Variants in DCDC1 observed in about 807,000 individuals in gnomAD.
DCDC1 encodes doublecortin domain containing 1.
Under a neutral mutation model 178.3 loss-of-function variants are expected in DCDC1, and 200 were observed. The observed-to-expected ratio is 1.12, with a 90% CI of 1.00 to 1.26. The LOEUF is 1.26. Ranked by LOEUF, DCDC1 falls within the 50% of genes most tolerant of loss-of-function variation. The pLI is 0.00. For synonymous variants in DCDC1, 690 were observed against 604.8 expected, an observed-to-expected ratio of 1.14 and a Z score of -2.07; for missense variants, 1,983 against 1,749.2, an observed-to-expected ratio of 1.13 and a Z score of -2.38.
At chr11:31,142,187 T>C (rs1453741789) in intron 9 of DCDC1, among the ~76,000 whole-genome samples, 2 of 152,200 alleles carry the variant, frequency 1.3e-5, no homozygotes, top group African/African-American at 4.8e-5. Context: ...ACCTAGTTAA[T>C]TTGTATCTGG....
chr11:31,243,857 T>G (rs1457999332), intron 8 of DCDC1, among the ~76,000 whole-genome samples: 3 of 151,754 alleles, frequency 2.0e-5, no homozygotes, highest in African/African-American at 7.2e-5. Context: ...TGTTGAATAA[T>G]CTGTTCAGTA....
intron 9 of DCDC1, among the ~76,000 whole-genome samples, chr11:31,201,413 T>G (rs1971269080): frequency 6.6e-6 from 1 of 152,008 alleles, no homozygotes; most frequent in South Asian, 2.1e-4. Context: ...AGCTTGAATA[T>G]TCTTTAAGAG....
chr11:30,913,222 C>T (rs1179255099), intron 27 of DCDC1, among the ~76,000 whole-genome samples: 1 of 151,988 alleles, frequency 6.6e-6, no homozygotes, highest in Non-Finnish European at 1.5e-5. Flanking sequence ...GAGATCAGAC[C>T]ACGATGAAAC....
intron 9 of DCDC1, among the ~76,000 whole-genome samples, chr11:31,238,884 G>A (rs1976767240): frequency 6.6e-6 from 1 of 152,050 alleles, no homozygotes; most frequent in Non-Finnish European, 1.5e-5. Context: ...CTAATGTAGT[G>A]TGCTTAAATC....
At chr11:31,249,137 T>G (rs1943785784) in intron 8 of DCDC1, among the ~76,000 whole-genome samples, 1 of 152,102 alleles carries the variant, frequency 6.6e-6, no homozygotes, top group African/African-American at 2.4e-5. Flanking sequence ...AAAAATTACA[T>G]GAATGACTAA....
At chr11:31,055,218 C>G (rs1387207519) in intron 20 of DCDC1, among the ~76,000 whole-genome samples, 2 of 151,950 alleles carry the variant, frequency 1.3e-5, no homozygotes, top group African/African-American at 2.4e-5. Context: ...AAATGGCCAA[C>G]AAACATATGA....
intron 20 of DCDC1, among the ~76,000 whole-genome samples, chr11:31,008,535 C>A (rs896341486): frequency 2.0e-5 from 3 of 152,300 alleles, no homozygotes; most frequent in African/African-American, 7.2e-5. Context: ...TCAAATGTTT[C>A]TTTTTATTCG....
intron 3 of DCDC1, 58 bp downstream of exon 3, chr11:31,328,059 T>C: frequency 6.7e-7 from 1 of 1,484,666 alleles, no homozygotes; most frequent in Non-Finnish European, 9.0e-7. Flanking sequence ...AACTACTTTC[T>C]ATAAACACTT....
intron 9 of DCDC1, among the ~76,000 whole-genome samples, chr11:31,155,730 C>T (rs1965655785): frequency 6.6e-6 from 1 of 152,116 alleles, no homozygotes; most frequent in South Asian, 2.1e-4. Context: ...GAGGCCACAC[C>T]AGTAAATGCT....
chr11:31,311,267 C>T (rs1320712436), intron 3 of DCDC1, among the ~76,000 whole-genome samples: 5 of 152,078 alleles, frequency 3.3e-5, no homozygotes, highest in Non-Finnish European at 7.3e-5. Context: ...TACCTAGCAA[C>T]GGCCCAGCTG....
intron 7 of DCDC1, among the ~76,000 whole-genome samples, chr11:31,274,275 T>C (rs1158949775): frequency 2.0e-5 from 3 of 152,196 alleles, no homozygotes; most frequent in Non-Finnish European, 4.4e-5. Context: ...AACTCCCAAA[T>C]TGATATGTTT....
At chr11:31,336,621 T>G (rs1032766863) in intron 1 of DCDC1, among the ~76,000 whole-genome samples, 2 of 152,252 alleles carry the variant, frequency 1.3e-5, no homozygotes, top group African/African-American at 4.8e-5. Context: ...TATGTTAGTA[T>G]TTTCTAATAA....
intron 1 of DCDC1, among the ~76,000 whole-genome samples, chr11:31,353,916 A>C (rs915950623): frequency 2.0e-5 from 3 of 152,246 alleles, no homozygotes; most frequent in Admixed American, 2.0e-4. Flanking sequence ...GTCTCTAAGA[A>C]GTACATTGTA....
At chr11:30,888,075 AGAGAGAG>A in intron 36 of DCDC1, among the ~76,000 whole-genome samples, 2 of 120,678 alleles carry the variant, frequency 1.7e-5, no homozygotes, top group African/African-American at 5.8e-5. Flanking sequence ...AGAGAGAGAG[AGAGAGAG>A]AGAAAGAAAG....
Position 30,993,284 on chromosome 11 carries a change from G to C in DCDC1, c.2592-40716C>G, listed in dbSNP as rs188423076. On this transcript the variant is annotated intron_variant, in intron 20 of 38. Transcript: ENST00000684477. ...CTTTTTATAAGCTAACTAAATGAAA[G>C]TGAAAATACAACATCAAAATTCAGA... Among the ~76,000 whole-genome samples, 7 of 152,066 alleles carry C rather than the reference G, an allele frequency of 4.6e-5. No individual in the cohort carries two copies. The East Asian group carries it at 1.4e-3, about 29-fold the overall frequency.
intron 1 of DCDC1, among the ~76,000 whole-genome samples, chr11:31,354,948 C>T (rs1951258220): frequency 6.6e-6 from 1 of 151,372 alleles, no homozygotes; most frequent in Non-Finnish European, 1.5e-5. Context: ...CCTTTTTTTC[C>T]CTGTAGAGCT....
intron 38 of DCDC1, among the ~76,000 whole-genome samples, chr11:30,869,971 C>T (rs910339442): frequency 2.6e-5 from 4 of 152,004 alleles, no homozygotes; most frequent in Non-Finnish European, 4.4e-5. Context: ...AAGCAAGGCT[C>T]TGGGGGTGGG....
chr11:31,039,662 G>C (rs1954304261), intron 20 of DCDC1, among the ~76,000 whole-genome samples: 1 of 151,966 alleles, frequency 6.6e-6, no homozygotes, highest in African/African-American at 2.4e-5. Flanking sequence ...AAGTTCCTAT[G>C]GAACAACAAA....
At chr11:31,359,763 T>TG (rs1951611975) in intron 1 of DCDC1, among the ~76,000 whole-genome samples, 2 of 152,108 alleles carry the variant, frequency 1.3e-5, no homozygotes, top group Admixed American at 6.6e-5. Context: ...GTCTAAAATG[T>TG]GGGGGTGTGA....
Sources: allele counts gnomAD v4.1 joint callset (sites outside exome capture counted in the v4.1 genomes callset), GRCh38; gene constraint gnomAD v4.1.1; transcripts MANE v1.5; gene names NCBI Gene and HGNC (gene_info 2026-07-23, HGNC 2026-07-21).